PDZD2: variants seen among roughly 807,000 people sequenced by gnomAD.
PDZD2 encodes PDZ domain-containing protein 2.
PDZD2 carries 90 observed loss-of-function variants against 220.7 expected under a neutral mutation model. The ratio of observed to expected loss-of-function variants is 0.41; its 90% CI spans 0.34 to 0.49. PDZD2 has a LOEUF of 0.49. Ranked by LOEUF, PDZD2 falls within the 20% of genes least tolerant of loss-of-function variation. PDZD2 has a pLI of 0.28. For missense variants in PDZD2, 3,174 were observed against 3,608.5 expected, an observed-to-expected ratio of 0.88 and a Z score of 3.08; for synonymous variants, 1,375 against 1,450.5, an observed-to-expected ratio of 0.95 and a Z score of 1.18.
At chr5:31,903,226 A>C (rs1473501133) in intron 2 of PDZD2, among the ~76,000 whole-genome samples, 1 of 151,794 alleles carries the variant, frequency 6.6e-6, no homozygotes, top group African/African-American at 2.4e-5. Context: ...CCCGGGAGGC[A>C]GAGGTTCCAG....
At chr5:31,896,144 C>CAATG (rs1741529564) in intron 2 of PDZD2, among the ~76,000 whole-genome samples, 1 of 152,076 alleles carries the variant, frequency 6.6e-6, no homozygotes, top group African/African-American at 2.4e-5. Context: ...CCCTCTCTGA[C>CAATG]ACCTCCCAGG....
chr5:31,731,061 G>A (rs549813832), intron 1 of PDZD2, among the ~76,000 whole-genome samples: 2 of 152,164 alleles, frequency 1.3e-5, no homozygotes, highest in Admixed American at 6.5e-5. Context: ...AAATTGCTTG[G>A]CCTTTTGACT....
At chr5:31,812,837 T>C (rs1755201624) in intron 2 of PDZD2, among the ~76,000 whole-genome samples, 1 of 152,166 alleles carries the variant, frequency 6.6e-6, no homozygotes, top group South Asian at 2.1e-4. Context: ...TATCCCAGCC[T>C]CCCGAAGTGC....
chr5:31,690,967 G>C (rs753904798), intron 1 of PDZD2, among the ~76,000 whole-genome samples: 2 of 152,168 alleles, frequency 1.3e-5, no homozygotes, highest in African/African-American at 2.4e-5. Context: ...TCTAGCAGGA[G>C]TGTAGGGCAT....
intron 2 of PDZD2, among the ~76,000 whole-genome samples, chr5:31,937,875 C>T (rs1745896135): frequency 6.6e-6 from 1 of 152,204 alleles, no homozygotes; most frequent in Non-Finnish European, 1.5e-5. Context: ...AGGGTTCCTG[C>T]TGGAAGCGGT....
chr5:31,773,096 A>G (rs1368541190), intron 1 of PDZD2, among the ~76,000 whole-genome samples: 6 of 152,230 alleles, frequency 3.9e-5, no homozygotes, highest in Admixed American at 3.9e-4. Context: ...TGTAACACCA[A>G]CATTCACCCG....
intron 2 of PDZD2, among the ~76,000 whole-genome samples, chr5:31,975,677 T>G (rs148008425): frequency 1.0e-3 from 156 of 152,294 alleles, no homozygotes; most frequent in African/African-American, 3.5e-3. Flanking sequence ...GACTCTGACC[T>G]GTTTTCAAAG....
chr5:31,822,774 T>C, intron 2 of PDZD2: 1 of 1,020,236 alleles, frequency 9.8e-7, no homozygotes, highest in Admixed American at 1.9e-5. Context: ...TGCAGATGTA[T>C]TTTTCACCCA....
At chr5:31,847,355 G>A (rs137880906) in intron 2 of PDZD2, 14 of 413,276 alleles carry the variant, frequency 3.4e-5, no homozygotes, top group South Asian at 1.8e-4. Flanking sequence ...GGGTAAAACC[G>A]ATTACTATGC....
At chr5:31,757,863 C>T (rs751977131) in intron 1 of PDZD2, among the ~76,000 whole-genome samples, 17 of 152,208 alleles carry the variant, frequency 1.1e-4, no homozygotes, top group Admixed American at 2.0e-4. Context: ...CAAAGCCACC[C>T]GCACCAGCTG....
At chr5:31,681,300 C>T (rs1403582991) in intron 1 of PDZD2, among the ~76,000 whole-genome samples, 3 of 152,012 alleles carry the variant, frequency 2.0e-5, no homozygotes, top group African/African-American at 7.3e-5. Flanking sequence ...TGGCTGGAGT[C>T]CAGTGGCACA....
At chr5:32,107,249 A>G (rs1744852681) in intron 24 of PDZD2, 1 of 152,228 alleles carries the variant, frequency 6.6e-6, no homozygotes, top group Non-Finnish European at 1.5e-5. Context: ...TAATGTGAAC[A>G]TGCTAAACTC....
At chr5:32,029,329 TAAAA>T (rs34025632) in intron 6 of PDZD2, among the ~76,000 whole-genome samples, 3 of 65,836 alleles carry the variant, frequency 4.6e-5, no homozygotes, top group Admixed American at 2.3e-4. Flanking sequence ...TCAAGAACTG[TAAAA>T]AAAAAAAAAA....
intron 2 of PDZD2, among the ~76,000 whole-genome samples, chr5:31,967,723 A>G (rs576175785): frequency 3.8e-4 from 58 of 152,312 alleles, no homozygotes; most frequent in African/African-American, 1.2e-3. Context: ...GCAGGGCTGA[A>G]GACTTGGGGA....
chr5:31,800,064 C>T (rs930555916), intron 2 of PDZD2, among the ~76,000 whole-genome samples: 1 of 152,100 alleles, frequency 6.6e-6, no homozygotes, highest in Non-Finnish European at 1.5e-5. Flanking sequence ...CTGTTTTCTA[C>T]CCACACGGCC....
intron 5 of PDZD2, among the ~76,000 whole-genome samples, chr5:32,003,260 CCACATG>C (rs1752459095): frequency 7.4e-6 from 1 of 134,356 alleles, no homozygotes; most frequent in East Asian, 2.4e-4. Flanking sequence ...CACACACACA[CCACATG>C]CCACACACAC....
chr5:31,977,806 C>G (rs1270078118), intron 2 of PDZD2, among the ~76,000 whole-genome samples: 1 of 152,162 alleles, frequency 6.6e-6, no homozygotes, highest in Non-Finnish European at 1.5e-5. Context: ...AACCCTGTCT[C>G]TACTGAAAAT....
chr5:31,850,638 T>TC (rs1722133442), intron 2 of PDZD2, among the ~76,000 whole-genome samples: 1 of 148,468 alleles, frequency 6.7e-6, no homozygotes, highest in Non-Finnish European at 1.5e-5. Context: ...CAAATTCTTT[T>TC]TTTTTTTTTT....
chr5:32,034,812 C>T (rs1755407836), intron 6 of PDZD2, among the ~76,000 whole-genome samples: 1 of 152,008 alleles, frequency 6.6e-6, no homozygotes, highest in Non-Finnish European at 1.5e-5. Context: ...TGTATGTGGC[C>T]CAGAGCTCAG....
Sources: gnomAD v4.1 joint callset for allele counts (sites outside exome capture counted in the v4.1 genomes callset) on GRCh38, gnomAD v4.1.1 for gene constraint, MANE v1.5 for transcripts, NCBI Gene and HGNC (gene_info 2026-07-23, HGNC 2026-07-21) for gene names.